Variants in HNMT observed in about 807,000 individuals in gnomAD.
HNMT encodes the protein histamine N-methyltransferase.
In HNMT, 30 loss-of-function variants were observed where a neutral mutation model predicts 32.1. The ratio of observed to expected loss-of-function variants is 0.93; its 90% CI spans 0.70 to 1.27. HNMT has a LOEUF of 1.27. HNMT is among the 50% of genes most tolerant of loss of function. The pLI, the probability that HNMT is intolerant of heterozygous loss-of-function variation, is 0.00. For missense variants in HNMT, 327 were observed against 346.0 expected, an observed-to-expected ratio of 0.95 and a Z score of 0.43; for synonymous variants, 125 against 119.0, an observed-to-expected ratio of 1.05 and a Z score of -0.33.
chr2:138,009,988 T>G (rs540262296), intron 5 of HNMT, among the ~76,000 whole-genome samples: 1 of 152,240 alleles, frequency 6.6e-6, no homozygotes, highest in South Asian at 2.1e-4. Context: ...TATACCACAT[T>G]GGTTTACACT....
chr2:138,001,624 A>G lies in HNMT; in HGVS notation c.299-440A>G, dbSNP rs13402440. ...AAAAATATAATGACGTGAAACATGAATGGCAGTGACACAAAGTCAGGAAGT... is the reference window on the plus strand; with the variant it reads ...AAAAATATAATGACGTGAAACATGAGTGGCAGTGACACAAAGTCAGGAAGT... On this transcript the variant is annotated intron_variant, in intron 3 of 5. Coordinates refer to ENST00000280097, the MANE Select transcript of HNMT (RefSeq NM_006895.3). Among the ~76,000 whole-genome samples, 1,171 of 152,270 alleles carry G rather than the reference A, an allele frequency of 7.7e-3. 12 individuals are homozygous for G. Among genetic ancestry groups the G allele is most frequent in the African/African-American group, 0.026 (1,092 of 41,578 alleles).
chr2:137,997,939 G>A (rs1681045533), intron 2 of HNMT, among the ~76,000 whole-genome samples: 1 of 152,084 alleles, frequency 6.6e-6, no homozygotes, highest in Non-Finnish European at 1.5e-5. Flanking sequence ...AATACCGCAT[G>A]TTCTCATTCA....
At chr2:137,979,356 C>T (rs190060678) in intron 2 of HNMT, among the ~76,000 whole-genome samples, 2,477 of 150,976 alleles carry the variant, frequency 0.016, 70 homozygotes, top group African/African-American at 0.057. Flanking sequence ...CTGCAAGCTC[C>T]GCCTCCCGGG....
chr2:138,001,961 A>G, intron 3 of HNMT, 103 bp from the exon 4 acceptor site: 1 of 842,734 alleles, frequency 1.2e-6, no homozygotes, highest in Non-Finnish European at 1.7e-6. Flanking sequence ...CGTTCTTTCT[A>G]TCTGTTTGTA....
At chr2:137,989,913 CT>C (rs1256188441) in intron 2 of HNMT, among the ~76,000 whole-genome samples, 3 of 152,062 alleles carry the variant, frequency 2.0e-5, no homozygotes, top group African/African-American at 7.2e-5. Context: ...GTGTTTAGGT[CT>C]TTGGCCCAAT....
At chr2:137,970,107 C>A in intron 1 of HNMT, 58 bp from the exon 2 acceptor site, 1 of 884,468 alleles carries the variant, frequency 1.1e-6, no homozygotes, top group South Asian at 1.6e-5. Context: ...ACTAGATAAT[C>A]AGATTTCACA....
chr2:137,972,570 A>G (rs1680169850), intron 2 of HNMT, among the ~76,000 whole-genome samples: 2 of 152,228 alleles, frequency 1.3e-5, no homozygotes. Flanking sequence ...GTCATGAACA[A>G]TACCATAGAG....
intron 2 of HNMT, among the ~76,000 whole-genome samples, chr2:137,978,232 G>A (rs1680344864): frequency 6.6e-6 from 1 of 150,536 alleles, no homozygotes; most frequent in African/African-American, 2.4e-5. Context: ...AACTATATAT[G>A]AGACCAACGA....
At chr2:137,992,065 C>T (rs997460550) in intron 2 of HNMT, 4 of 152,260 alleles carry the variant, frequency 2.6e-5, no homozygotes, top group Non-Finnish European at 5.9e-5. Flanking sequence ...CGTGCTTTTT[C>T]CACAGAATTG....
chr2:137,991,053 G>A (rs1057024164), intron 2 of HNMT, among the ~76,000 whole-genome samples: 1 of 152,138 alleles, frequency 6.6e-6, no homozygotes, highest in Non-Finnish European at 1.5e-5. Flanking sequence ...TTACTAAAGT[G>A]GTTCACAGAA....
At chr2:138,007,140 C>T (rs1433217579) in intron 5 of HNMT, among the ~76,000 whole-genome samples, 1 of 151,962 alleles carries the variant, frequency 6.6e-6, no homozygotes, top group Non-Finnish European at 1.5e-5. Context: ...TACCATATCA[C>T]TTCTTCTGAG....
intron 4 of HNMT, among the ~76,000 whole-genome samples, chr2:138,004,699 G>A (rs1013128265): frequency 1.3e-5 from 2 of 152,068 alleles, no homozygotes; most frequent in Non-Finnish European, 2.9e-5. Flanking sequence ...ATATGGAGAA[G>A]CTAGTGCAAA....
chr2:137,989,102 G>A (rs1680738690), intron 2 of HNMT, among the ~76,000 whole-genome samples: 1 of 152,096 alleles, frequency 6.6e-6, no homozygotes, highest in Non-Finnish European at 1.5e-5. Context: ...GAAGCTCATA[G>A]TTTACTTTAG....
At chr2:137,972,948 C>T (rs1428000915) in intron 2 of HNMT, among the ~76,000 whole-genome samples, 1 of 152,094 alleles carries the variant, frequency 6.6e-6, no homozygotes. Flanking sequence ...CATAAAGGTG[C>T]ACATGGAAGC....
At chr2:137,999,003 G>A (rs73961915) in intron 2 of HNMT, among the ~76,000 whole-genome samples, 1,527 of 152,100 alleles carry the variant, frequency 0.01, 29 homozygotes, top group African/African-American at 0.036. Flanking sequence ...TTTCCCTTCA[G>A]AATAGTTGCT....
intron 1 of HNMT, among the ~76,000 whole-genome samples, chr2:137,969,421 T>G (rs2104923554): frequency 6.6e-6 from 1 of 152,312 alleles, no homozygotes; most frequent in Middle Eastern, 3.4e-3. Flanking sequence ...GAATTCGTAT[T>G]TATTTTTTTT....
intron 2 of HNMT, among the ~76,000 whole-genome samples, chr2:137,975,936 G>C (rs1357081656): frequency 6.6e-6 from 1 of 152,168 alleles, no homozygotes; most frequent in Non-Finnish European, 1.5e-5. Context: ...AAGCGCCAAT[G>C]GTTGAAAGCT....
chr2:138,002,987 A>G (rs539414690), intron 4 of HNMT, among the ~76,000 whole-genome samples: 24 of 150,578 alleles, frequency 1.6e-4, no homozygotes, highest in African/African-American at 5.9e-4. Context: ...CGCAAGAACA[A>G]AAAACCAAAC....
At chr2:137,997,434 G>T (rs528912694) in intron 2 of HNMT, among the ~76,000 whole-genome samples, 1 of 151,956 alleles carries the variant, frequency 6.6e-6, no homozygotes. Flanking sequence ...GCTCAATATC[G>T]CTGATCATCA....
Sources: gnomAD v4.1 joint callset for allele counts (sites outside exome capture counted in the v4.1 genomes callset) on GRCh38, gnomAD v4.1.1 for gene constraint, MANE v1.5 for transcripts, NCBI Gene and HGNC (gene_info 2026-07-23, HGNC 2026-07-21) for gene names.